The following ZNF385D variants were observed in gnomAD, a reference collection of about 807,000 sequenced individuals.
The protein encoded by ZNF385D is zinc finger protein 659.
A neutral mutation model predicts 35.8 loss-of-function variants in ZNF385D; 15 were observed. The ratio of observed to expected loss-of-function variants is 0.42; its 90% CI spans 0.28 to 0.64. ZNF385D has a LOEUF of 0.64. ZNF385D is among the 30% of genes least tolerant of loss of function. ZNF385D has a pLI of 0.23. For synonymous variants in ZNF385D, 212 were observed against 186.8 expected, an observed-to-expected ratio of 1.13 and a Z score of -1.10; for missense variants, 474 against 494.6, an observed-to-expected ratio of 0.96 and a Z score of 0.39.
At chr3:21,612,992 TC>T (rs2064731955) in intron 2 of ZNF385D, among the ~76,000 whole-genome samples, 4 of 101,878 alleles carry the variant, frequency 3.9e-5, no homozygotes, top group African/African-American at 1.3e-4. Context: ...TTTTCTTTTT[TC>T]TTTTTTTTTT....
intron 2 of ZNF385D, among the ~76,000 whole-genome samples, chr3:22,239,856 G>A (rs1471435818): frequency 6.6e-6 from 1 of 150,572 alleles, no homozygotes; most frequent in Non-Finnish European, 1.5e-5. Flanking sequence ...AAATTCTCAA[G>A]CACATAGAAC....
At position 21,539,459 on chromosome 3, in the gene ZNF385D, T is replaced by C. The variant is rs1400998943; in HGVS notation, c.276+25115A>G. 6.6e-6 allele frequency among the ~76,000 whole-genome samples: 1 copy of C among 152,188 alleles called. No homozygotes were observed. The highest frequency in any genetic ancestry group is 6.5e-5 in the Admixed American group (1 of 15,280). The stretch of plus-strand genomic sequence containing the variant: ...TAGGCAGTTCAACCATAAAAGAAAT[T>C]TTAATTTTTGTAATTAGGCCTTTTA... On this transcript the variant is annotated intron_variant, in intron 3 of 7. Transcript: ENST00000281523. This position sits in a 1 kb window ranked among gnomAD's most constrained non-coding sequence, Gnocchi z 4.0.
intron 3 of ZNF385D, among the ~76,000 whole-genome samples, chr3:21,827,726 G>C (rs550636437): frequency 9.2e-5 from 14 of 152,288 alleles, no homozygotes; most frequent in East Asian, 5.8e-4. Context: ...ATTACAAAAA[G>C]AGTAATTCTC....
chr3:21,897,108 A>G (rs1390128476), intron 3 of ZNF385D, among the ~76,000 whole-genome samples: 1 of 152,158 alleles, frequency 6.6e-6, no homozygotes, highest in East Asian at 1.9e-4. Context: ...ACTTTGGCTG[A>G]TCAGGTGGAG....
chr3:21,914,628 T>C (rs558636300), intron 3 of ZNF385D, among the ~76,000 whole-genome samples: 1 of 152,104 alleles, frequency 6.6e-6, no homozygotes, highest in East Asian at 1.9e-4. Flanking sequence ...AAGGCATCTA[T>C]TTACATTGCA....
intron 3 of ZNF385D, among the ~76,000 whole-genome samples, chr3:21,975,795 T>C (rs1158262656): frequency 6.9e-6 from 1 of 144,792 alleles, no homozygotes; most frequent in Non-Finnish European, 1.5e-5. Context: ...ATCTACTATG[T>C]AACTACTATG....
intron 3 of ZNF385D, among the ~76,000 whole-genome samples, chr3:21,912,672 A>T (rs1314701564): frequency 6.6e-6 from 1 of 152,092 alleles, no homozygotes; most frequent in African/African-American, 2.4e-5. Context: ...CGATCATTAG[A>T]ACTTTCCCCA....
At chr3:21,611,022 C>G (rs528095953) in intron 2 of ZNF385D, among the ~76,000 whole-genome samples, 2 of 152,288 alleles carry the variant, frequency 1.3e-5, no homozygotes, top group African/African-American at 4.8e-5. Flanking sequence ...AGACCCTTTT[C>G]TATAAGCAAC....
intron 1 of ZNF385D, among the ~76,000 whole-genome samples, chr3:21,740,881 C>G (rs1054411054): frequency 2.6e-5 from 4 of 152,178 alleles, no homozygotes; most frequent in Non-Finnish European, 5.9e-5. Context: ...ATGCAGATGC[C>G]TGACTCCACC....
intron 2 of ZNF385D, among the ~76,000 whole-genome samples, chr3:22,222,638 G>A (rs529716479): frequency 6.6e-6 from 1 of 152,268 alleles, no homozygotes; most frequent in East Asian, 1.9e-4. Flanking sequence ...CTGCTCTGAA[G>A]CTCAGTGTTT....
intron 3 of ZNF385D, among the ~76,000 whole-genome samples, chr3:21,905,910 T>C (rs1699662167): frequency 6.6e-6 from 1 of 152,126 alleles, no homozygotes; most frequent in African/African-American, 2.4e-5. Context: ...ATTGTTGTTT[T>C]AAAAAAGATT....
At chr3:21,771,409 T>A (rs1031467332) in intron 3 of ZNF385D, among the ~76,000 whole-genome samples, 2 of 151,846 alleles carry the variant, frequency 1.3e-5, no homozygotes, top group Non-Finnish European at 2.9e-5. Flanking sequence ...CATTATTAGA[T>A]TTAAATGTCC....
At chr3:21,479,157 T>TC (rs1354994927) in intron 4 of ZNF385D, among the ~76,000 whole-genome samples, 1 of 151,486 alleles carries the variant, frequency 6.6e-6, no homozygotes, top group Admixed American at 6.6e-5. Context: ...ATTGTTTTTT[T>TC]TTTTCTACTG....
chr3:21,702,911 T>C (rs1330420583), intron 1 of ZNF385D, among the ~76,000 whole-genome samples: 1 of 152,190 alleles, frequency 6.6e-6, no homozygotes, highest in African/African-American at 2.4e-5. Context: ...ATAAGCAATT[T>C]TTTTCAAAGC....
rs549895715 is a variant in ZNF385D, at chr3:21,663,650, G to A, written c.165+1236C>T. Among the ~76,000 whole-genome samples the A allele has an allele frequency of 6.6e-5, 10 of 151,860 alleles. No homozygotes were observed. In the South Asian group the frequency reaches 1.9e-3, roughly 28 times the overall value. ...ACCTAGGATTAGAAACCTGTGTTTT[G>A]TAAAGGTGACCTTTATGTTGCTTTA... On this transcript the variant is annotated intron_variant, in intron 2 of 7. Transcript: ENST00000281523.
intron 3 of ZNF385D, among the ~76,000 whole-genome samples, chr3:21,518,123 T>C (rs1442792414): frequency 6.6e-6 from 1 of 152,198 alleles, no homozygotes; most frequent in African/African-American, 2.4e-5. Context: ...TTGGCACTTC[T>C]TGCTGAAGTC....
chr3:21,597,543 T>C (rs2064160531), intron 2 of ZNF385D, among the ~76,000 whole-genome samples: 1 of 151,992 alleles, frequency 6.6e-6, no homozygotes, highest in Non-Finnish European at 1.5e-5. Flanking sequence ...GAAGGAAGAC[T>C]TAAATGGAAA....
chr3:22,113,330 G>T (rs1406071063), intron 3 of ZNF385D, among the ~76,000 whole-genome samples: 1 of 152,066 alleles, frequency 6.6e-6, no homozygotes, highest in African/African-American at 2.4e-5. Flanking sequence ...CAGGCTTTAG[G>T]AAAGGTTCCA....
At chr3:21,805,753 A>G (rs1341730852) in intron 3 of ZNF385D, among the ~76,000 whole-genome samples, 16 of 152,182 alleles carry the variant, frequency 1.1e-4, no homozygotes, top group Admixed American at 1.0e-3. Context: ...TCTCCTGTCC[A>G]TCAAGTAGAG....
Sources: gnomAD v4.1 joint callset for allele counts (sites outside exome capture counted in the v4.1 genomes callset) on GRCh38, gnomAD v4.1.1 for gene constraint, Gnocchi (gnomAD v3.1) non-coding constraint, MANE v1.5 for transcripts, NCBI Gene and HGNC (gene_info 2026-07-23, HGNC 2026-07-21) for gene names.